The following AREL1 variants were observed in gnomAD, a reference collection of about 807,000 sequenced individuals.
AREL1 encodes the protein apoptosis resistant E3 ubiquitin protein ligase 1.
A neutral mutation model predicts 99.0 loss-of-function variants in AREL1; 62 were observed. That is an observed-to-expected ratio of 0.63 (90% CI 0.51 to 0.77). The LOEUF (loss-of-function observed/expected upper bound fraction) is 0.77, where lower values mean the gene tolerates loss of function less well. AREL1 is among the 30% of genes least tolerant of loss of function. The pLI, the probability that AREL1 is intolerant of heterozygous loss-of-function variation, is 0.00. For synonymous variants in AREL1, 380 were observed against 376.5 expected, an observed-to-expected ratio of 1.01 and a Z score of -0.11; for missense variants, 879 against 1,027.6, an observed-to-expected ratio of 0.86 and a Z score of 1.98.
chr14:74,673,631 A>G (rs917217068), intron 9 of AREL1, among the ~76,000 whole-genome samples: 12 of 152,272 alleles, frequency 7.9e-5, no homozygotes, highest in African/African-American at 2.9e-4. Flanking sequence ...GCAAAAGTTT[A>G]GATTCCAGAA....
intron 1 of AREL1, among the ~76,000 whole-genome samples, chr14:74,700,778 T>TCAAAACAAAA (rs371592546): frequency 4.6e-5 from 7 of 152,142 alleles, no homozygotes; most frequent in African/African-American, 1.7e-4. Flanking sequence ...AGAGTCCCTC[T>TCAAAACAAAA]CAAAACAAAA....
At chr14:74,671,084 T>C (rs775410116) in intron 12 of AREL1, among the ~76,000 whole-genome samples, 2 of 152,078 alleles carry the variant, frequency 1.3e-5, no homozygotes, top group Non-Finnish European at 2.9e-5. Context: ...AGCCCCCTAG[T>C]ATGGAAACAC....
chr14:74,676,719 C>T lies in AREL1; in HGVS notation c.515G>A (p.Cys172Tyr), dbSNP rs374349845. The change falls in exon 6 of 20, where the codon TGC (cysteine) becomes TAC (tyrosine). Residue 172 changes from cysteine (C) to tyrosine (Y), a missense_variant. Physicochemically the swap from Cys to Tyr is radical, Grantham distance 194 (BLOSUM62 -2). Transcript: ENST00000356357. ...GGTCAATACAAGAGTAGAAAAGTGG[C>T]ACACAATTTTGGTCTTAGAAGGAAC... ...MVVPSKTKIVCHFSTLVLTCG... is the reference protein window; with the variant it reads ...MVVPSKTKIVYHFSTLVLTCG... 3.1e-6 allele frequency: 5 copies of T among 1,611,252 alleles called. No individual in the cohort carries two copies. The highest frequency in any genetic ancestry group is 3.4e-6 in the Non-Finnish European group (4 of 1,178,568).
At chr14:74,683,168 T>C (rs372180737) in intron 5 of AREL1, 128 bp downstream of exon 5, 3 of 719,450 alleles carry the variant, frequency 4.2e-6, no homozygotes, top group Non-Finnish European at 6.7e-6. Context: ...CTGTATACTT[T>C]AAAAGGATGA....
chr14:74,677,766 G>C (rs1023699695), intron 5 of AREL1, among the ~76,000 whole-genome samples: 10 of 150,522 alleles, frequency 6.6e-5, no homozygotes, highest in Non-Finnish European at 1.3e-4. Context: ...CTCCCAAAGT[G>C]CTGGAATTAC....
At chr14:74,678,695 C>CAAAAAAAA (rs71119311) in intron 5 of AREL1, among the ~76,000 whole-genome samples, 2 of 95,426 alleles carry the variant, frequency 2.1e-5, no homozygotes, top group Non-Finnish European at 4.3e-5. Flanking sequence ...CATGTATAAG[C>CAAAAAAAA]AAAAAAAAAA....
At chr14:74,687,481 A>T (rs2089773552) in intron 2 of AREL1, among the ~76,000 whole-genome samples, 1 of 152,196 alleles carries the variant, frequency 6.6e-6, no homozygotes, top group Admixed American at 6.5e-5. Flanking sequence ...ATATGACTTC[A>T]ATGCAACTCC....
intron 1 of AREL1, among the ~76,000 whole-genome samples, chr14:74,704,575 C>G (rs1452895855): frequency 6.6e-6 from 1 of 152,070 alleles, no homozygotes; most frequent in African/African-American, 2.4e-5. Context: ...ACAGATTTGC[C>G]CTAAGCAGTT....
intron 5 of AREL1, among the ~76,000 whole-genome samples, chr14:74,677,715 C>T (rs902775757): frequency 2.6e-5 from 4 of 151,352 alleles, no homozygotes; most frequent in Admixed American, 6.6e-5. Flanking sequence ...ATTGGCCAGG[C>T]TGGTCTCAAA....
intron 1 of AREL1, among the ~76,000 whole-genome samples, chr14:74,697,995 A>G (rs955952433): frequency 6.6e-6 from 1 of 152,212 alleles, no homozygotes; most frequent in Non-Finnish European, 1.5e-5. Flanking sequence ...CTGGGGAGAA[A>G]AAAAAATTTC....
chr14:74,664,793 T>C (rs750154650), intron 18 of AREL1, 43 bp downstream of exon 18: 5 of 1,578,268 alleles, frequency 3.2e-6, no homozygotes, highest in Non-Finnish European at 4.3e-6. Flanking sequence ...TTTTTCCTTA[T>C]AACATGGCAC....
chr14:74,663,810 C>G lies in AREL1; in HGVS notation c.2382G>C (p.Leu794=). 6.2e-7 allele frequency: 1 copy of G among 1,614,184 alleles called. No homozygotes were observed. ...CATAGGAGTCATATGTAGGGAGGCA[C>G]AGCTGGTTAAAACTGGAAGGGCAAG... The part of the protein sequence containing the change: ...LPTAHTCFNQ[L]CLPTYDSYEE... Residue 794 remains leucine (L), a synonymous_variant, in exon 20 of 20, where the codon CTG becomes CTC. Coordinates refer to ENST00000356357, the MANE Select transcript of AREL1 (RefSeq NM_001039479.2).
In AREL1 at chr14:74,669,764, G is replaced by A. The variant is rs2089288890; in HGVS notation, c.1799C>T (p.Thr600Ile). Residue 600 changes from threonine to isoleucine, a missense_variant, in exon 15 of 20, where the codon ACA becomes ATA. Thr to Ile is a moderately conservative substitution (Grantham distance 89). Coordinates refer to ENST00000356357, the MANE Select transcript of AREL1 (RefSeq NM_001039479.2). ...AGATTTGTAGAATTCTGGGTCATCT[G>A]TTTCAAAGTACTGAGGAGGCAGAAA... Reference protein sequence around the residue: ...GLRMHYKYFETDDPEFYKSKV... With the variant: ...GLRMHYKYFEIDDPEFYKSKV... The A allele has an allele frequency of 6.2e-7, 1 of 1,614,070 alleles. No individual in the cohort carries two copies. The highest frequency in any genetic ancestry group is 8.5e-7 in the Non-Finnish European group (1 of 1,180,024).
Position 74,661,342 on chromosome 14 carries a change from C to T in AREL1, c.*2378G>A, listed in dbSNP as rs1595331439. The T allele has an allele frequency of 2.2e-6, 1 of 456,304 alleles. No individual in the cohort carries two copies. The highest frequency in any genetic ancestry group is 2.0e-5 in the African/African-American group (1 of 50,066). 28.3% of individuals were successfully genotyped at this position (456,304 alleles called of 1,614,324 possible). A position where few individuals can be genotyped will look rare whatever the true frequency, so the allele number is the denominator to read the frequency against. On this transcript the variant is annotated 3_prime_UTR_variant, in exon 20 of 20. Coordinates refer to ENST00000356357, the MANE Select transcript of AREL1 (RefSeq NM_001039479.2). Reference sequence around the variant, plus strand: ...GGCCCTTTCACCTGGCCTGACGAATCTGCAGCAGGGCTTGGTCTCTGCCAA... The same window carrying T: ...GGCCCTTTCACCTGGCCTGACGAATTTGCAGCAGGGCTTGGTCTCTGCCAA...
At chr14:74,673,297 C>G (rs2089398722) in intron 9 of AREL1, 79 bp from the exon 10 acceptor site, 2 of 1,428,292 alleles carry the variant, frequency 1.4e-6, no homozygotes, top group African/African-American at 2.9e-5. Context: ...ATCCTGTGTA[C>G]CAACCAACAA....
intron 5 of AREL1, among the ~76,000 whole-genome samples, chr14:74,680,644 T>C (rs1262921843): frequency 6.6e-6 from 1 of 152,216 alleles, no homozygotes; most frequent in Non-Finnish European, 1.5e-5. Flanking sequence ...ACAACCCAGA[T>C]GACCTTTAAC....
chr14:74,698,568 G>A (rs2090018213), intron 1 of AREL1, among the ~76,000 whole-genome samples: 1 of 152,198 alleles, frequency 6.6e-6, no homozygotes, highest in South Asian at 2.1e-4. Flanking sequence ...ATAAGACAGG[G>A]TGCTTTCTTA....
At chr14:74,683,233 G>A in intron 5 of AREL1, 63 bp downstream of exon 5, 2 of 1,185,942 alleles carry the variant, frequency 1.7e-6, no homozygotes, top group Non-Finnish European at 2.4e-6. Context: ...AAAAAGGAAA[G>A]ACAGGATGGA....
chr14:74,713,050 C>G lies in AREL1; in HGVS notation c.-451G>C, dbSNP rs1171085392. 1 of 1,454,240 alleles carries G rather than the reference C, an allele frequency of 6.9e-7. No homozygotes were observed. The highest frequency in any genetic ancestry group is 1.1e-5 in the South Asian group (1 of 87,104). 90.1% of individuals were successfully genotyped at this position (1,454,240 alleles called of 1,614,324 possible). On this transcript the variant is annotated 5_prime_UTR_variant, in exon 1 of 20. Transcript: ENST00000356357. Reference sequence around the variant, plus strand: ...CACCAACAGACCCCAGAGTTGGTCTCCACCCGGCCTGGGAACCGGCTCGGG... The same window carrying G: ...CACCAACAGACCCCAGAGTTGGTCTGCACCCGGCCTGGGAACCGGCTCGGG...
Sources: allele counts gnomAD v4.1 joint callset (sites outside exome capture counted in the v4.1 genomes callset), GRCh38; gene constraint gnomAD v4.1.1; transcripts MANE v1.5; gene names NCBI Gene and HGNC (gene_info 2026-07-23, HGNC 2026-07-21).